Variants in DCUN1D1 observed in about 807,000 individuals in gnomAD.
The protein encoded by DCUN1D1 is defective in cullin neddylation 1 domain containing 1, also known as DCN1-like protein 1.
A neutral mutation model predicts 39.0 loss-of-function variants in DCUN1D1; 3 were observed. The ratio of observed to expected loss-of-function variants is 0.08; its 90% CI spans 0.04 to 0.20. DCUN1D1 has a LOEUF of 0.20. Ranked by LOEUF, DCUN1D1 falls within the 10% of genes least tolerant of loss-of-function variation. The pLI, the probability that DCUN1D1 is intolerant of heterozygous loss-of-function variation, is 1.00. For synonymous variants in DCUN1D1, 82 were observed against 96.3 expected (o/e 0.85, Z 0.87); for missense variants, 158 against 302.4 (o/e 0.52, Z 3.54).
At chr3:182,975,648 T>C (rs1728191725) in intron 1 of DCUN1D1, among the ~76,000 whole-genome samples, 1 of 139,210 alleles carries the variant, frequency 7.2e-6, no homozygotes, top group Non-Finnish European at 1.6e-5. Context: ...TAAACAAAGA[T>C]TCCACATCTA....
At position 182,940,978 on chromosome 3, in the gene DCUN1D1, ACTTC is replaced by A. The variant is rs1327224743; in HGVS notation, c.*4112_*4115del. 3 of 152,192 alleles carry A rather than the reference ACTTC, an allele frequency of 2.0e-5. No individual in the cohort carries two copies. The highest frequency in any genetic ancestry group is 7.2e-5 in the African/African-American group (3 of 41,454). The allele number at this position is 152,192 out of a possible 1,614,324, so 9.4% of individuals were successfully genotyped here. A position where few individuals can be genotyped will look rare whatever the true frequency, so the allele number is the denominator to read the frequency against. On this transcript the variant is annotated 3_prime_UTR_variant, in exon 7 of 7. Coordinates refer to ENST00000292782, the MANE Select transcript of DCUN1D1 (RefSeq NM_020640.4). ...CAAAGGCTGTGCATCTTTTACCATA[ACTTC>A]CTTATTTGTGACAGATTTTTCAAAA...
chr3:182,955,538 T>C (rs1363955817), intron 4 of DCUN1D1: 2 of 530,324 alleles, frequency 3.8e-6, no homozygotes, highest in African/African-American at 3.9e-5. Context: ...TTGCTATATT[T>C]TACATGCCAC....
chr3:182,963,417 G>GT (rs1164892063), intron 3 of DCUN1D1, among the ~76,000 whole-genome samples: 1 of 152,160 alleles, frequency 6.6e-6, no homozygotes, highest in African/African-American at 2.4e-5. Flanking sequence ...GAGGTCACAG[G>GT]TAAAACCTCT....
In DCUN1D1 at chr3:182,944,451, T is replaced by C. The variant is rs1726291232; in HGVS notation, c.*643A>G. The C allele has an allele frequency of 6.6e-6, 1 of 152,362 alleles. No individual in the cohort carries two copies. Among genetic ancestry groups the C allele is most frequent in the Admixed American group, 6.6e-5 (1 of 15,266 alleles). 9.4% of individuals were successfully genotyped at this position (152,362 alleles called of 1,614,324 possible). ...TTGAAATCAAGAGTCTAAAACACAA[T>C]ACATTTTTCAGGTAGGCACCAAGTT... On this transcript the variant is annotated 3_prime_UTR_variant, in exon 7 of 7. Coordinates refer to ENST00000292782, the MANE Select transcript of DCUN1D1 (RefSeq NM_020640.4).
At chr3:182,975,159 A>T (rs1728156380) in intron 1 of DCUN1D1, among the ~76,000 whole-genome samples, 1 of 152,054 alleles carries the variant, frequency 6.6e-6, no homozygotes, top group Non-Finnish European at 1.5e-5. Flanking sequence ...AACTTTTTTA[A>T]AAAAATTAAC....
intron 1 of DCUN1D1, among the ~76,000 whole-genome samples, chr3:182,979,887 G>T (rs1053250738): frequency 6.6e-6 from 1 of 152,126 alleles, no homozygotes. Flanking sequence ...CCAAAAGCAT[G>T]GGACGCCTCG....
At chr3:182,948,288 A>T (rs371557862) in intron 4 of DCUN1D1, among the ~76,000 whole-genome samples, 1 of 152,208 alleles carries the variant, frequency 6.6e-6, no homozygotes, top group African/African-American at 2.4e-5. Flanking sequence ...TAAAACTTAA[A>T]ATTAATAAGA....
In DCUN1D1 at chr3:182,942,143, A is replaced by C; in HGVS notation, c.*2951T>G. ...ACTTTTTAAAAGTCTAAGGAAGGAC[A>C]TGTACTTATAATGCCATATTATGCA... On this transcript the variant is annotated 3_prime_UTR_variant, in exon 7 of 7. Transcript: ENST00000292782. The C allele has an allele frequency of 6.6e-6, 1 of 152,150 alleles. No homozygotes were observed. The highest frequency in any genetic ancestry group is 6.6e-5 in the Admixed American group (1 of 15,260). 9.4% of individuals were successfully genotyped at this position (152,150 alleles called of 1,614,324 possible). A position where few individuals can be genotyped will look rare whatever the true frequency, so the allele number is the denominator to read the frequency against.
At chr3:182,968,679 A>C (rs1325239189) in intron 1 of DCUN1D1, among the ~76,000 whole-genome samples, 4 of 151,792 alleles carry the variant, frequency 2.6e-5, no homozygotes, top group Admixed American at 6.6e-5. Flanking sequence ...AGCTCACTGC[A>C]ACCTCCATCT....
chr3:182,947,217 T>C, intron 6 of DCUN1D1, 21 bp downstream of exon 6: 2 of 1,454,510 alleles, frequency 1.4e-6, no homozygotes, highest in South Asian at 1.3e-5. Flanking sequence ...AAAAAAGTGG[T>C]GTGGCAAAAA....
At position 182,938,220 on chromosome 3, in the gene DCUN1D1, A is replaced by AT. The variant is rs1249121352; in HGVS notation, c.*6873dup. On this transcript the variant is annotated 3_prime_UTR_variant, in exon 7 of 7. Coordinates refer to ENST00000292782, the MANE Select transcript of DCUN1D1 (RefSeq NM_020640.4). The stretch of plus-strand genomic sequence containing the variant: ...ACCTTACATTTGAAATTGCATAGAA[A>AT]TTTAAAGTGCTAAAGCAATCATTGT... The AT allele has an allele frequency of 2.6e-5, 4 of 152,302 alleles. No individual in the cohort carries two copies. The highest frequency in any genetic ancestry group is 9.6e-5 in the African/African-American group (4 of 41,568). The allele number at this position is 152,302 out of a possible 1,614,324, so 9.4% of individuals were successfully genotyped here.
chr3:182,964,182 A>C (rs1033368069), intron 2 of DCUN1D1, 133 bp from the exon 3 acceptor site: 1 of 632,278 alleles, frequency 1.6e-6, no homozygotes. Flanking sequence ...ATATTACTCT[A>C]ACATACACTT....
intron 4 of DCUN1D1, among the ~76,000 whole-genome samples, chr3:182,958,739 C>T (rs893314958): frequency 2.0e-5 from 3 of 152,128 alleles, no homozygotes; most frequent in Admixed American, 2.0e-4. Flanking sequence ...ATAATGCTTT[C>T]ACATAATCTG....
At position 182,941,955 on chromosome 3, in the gene DCUN1D1, C is replaced by T. The variant is rs1475228265; in HGVS notation, c.*3139G>A. The T allele has an allele frequency of 2.0e-5, 3 of 152,050 alleles. No individual in the cohort carries two copies. The highest frequency in any genetic ancestry group is 4.4e-5 in the Non-Finnish European group (3 of 67,950). The allele number at this position is 152,050 out of a possible 1,614,324, so 9.4% of individuals were successfully genotyped here. On this transcript the variant is annotated 3_prime_UTR_variant, in exon 7 of 7. Transcript: ENST00000292782. ...GTACATTAAGTTAGCTACTACTACT[C>T]ACTTCTTGATTATCATCAAATAAAA...
chr3:182,984,649 C>T (rs117252265), upstream of DCUN1D1, among the ~76,000 whole-genome samples: 7 of 152,026 alleles, frequency 4.6e-5, no homozygotes, highest in Middle Eastern at 3.4e-3. Context: ...ATACCTAAAA[C>T]GATGAAAAAA....
At position 182,943,358 on chromosome 3, in the gene DCUN1D1, CT is replaced by C. The variant is rs1338804874; in HGVS notation, c.*1735del. ...AGCAAGATTCTTCTTTTTCCTTTTT[CT>C]TTTAATAACCAATTCCAGTAGCCTG... On this transcript the variant is annotated 3_prime_UTR_variant, in exon 7 of 7. Transcript: ENST00000292782. The C allele has an allele frequency of 6.6e-6, 1 of 151,776 alleles. No individual in the cohort carries two copies. The highest frequency in any genetic ancestry group is 1.9e-4 in the East Asian group (1 of 5,194). 9.4% of individuals were successfully genotyped at this position (151,776 alleles called of 1,614,324 possible). A position where few individuals can be genotyped will look rare whatever the true frequency, so the allele number is the denominator to read the frequency against.
intron 1 of DCUN1D1, among the ~76,000 whole-genome samples, chr3:182,975,215 C>T (rs543843873): frequency 8.8e-5 from 13 of 148,016 alleles, no homozygotes; most frequent in South Asian, 2.1e-4. Flanking sequence ...CCCGCTCTGT[C>T]GCCCAGGCTG....
chr3:182,951,020 A>AC (rs1398536672), intron 4 of DCUN1D1: 1 of 150,696 alleles, frequency 6.6e-6, no homozygotes, highest in African/African-American at 2.4e-5. Flanking sequence ...AAAAAAAAAA[A>AC]AAAAAAAAAA....
intron 2 of DCUN1D1, among the ~76,000 whole-genome samples, chr3:182,965,245 G>A (rs1727610992): frequency 6.6e-6 from 1 of 152,078 alleles, no homozygotes; most frequent in South Asian, 2.1e-4. Context: ...CAGTATGCAG[G>A]TTTCCTTAGA....
Sources: allele counts gnomAD v4.1 joint callset (sites outside exome capture counted in the v4.1 genomes callset), GRCh38; gene constraint gnomAD v4.1.1; transcripts MANE v1.5; gene names NCBI Gene and HGNC (gene_info 2026-07-23, HGNC 2026-07-21).